CELF2: variants seen among roughly 807,000 people sequenced by gnomAD.
CELF2 encodes CUGBP Elav-like family member 2.
A neutral mutation model predicts 62.6 loss-of-function variants in CELF2; 8 were observed. The observed-to-expected ratio is 0.13, with a 90% CI of 0.07 to 0.23. The LOEUF (loss-of-function observed/expected upper bound fraction) is 0.23. Ranked by LOEUF, CELF2 falls within the 10% of genes least tolerant of loss-of-function variation. CELF2 has a pLI of 1.00. For synonymous variants in CELF2, 258 were observed against 250.0 expected, an observed-to-expected ratio of 1.03 and a Z score of -0.30; for missense variants, 333 against 671.0, an observed-to-expected ratio of 0.50 and a Z score of 5.56.
At chr10:11,115,073 C>T (rs1423145815) in intron 1 of CELF2, among the ~76,000 whole-genome samples, 1 of 152,066 alleles carries the variant, frequency 6.6e-6, no homozygotes, top group African/African-American at 2.4e-5. Context: ...TAAAATTGGC[C>T]CCACATAAAT....
At chr10:11,083,860 G>A (rs933938872) in intron 1 of CELF2, among the ~76,000 whole-genome samples, 7 of 152,138 alleles carry the variant, frequency 4.6e-5, no homozygotes, top group Admixed American at 2.0e-4. Flanking sequence ...GAAAGTGTAC[G>A]GAGAGGGCCT....
At chr10:10,691,168 C>T in the CELF2 span, among the ~76,000 whole-genome samples, 9 of 151,828 alleles carry the variant, frequency 5.9e-5, no homozygotes, top group Middle Eastern at 3.4e-3. Context: ...CCCCCCACCC[C>T]ACAACAGTCC....
chr10:10,943,456 A>G (rs1204816804), intron 2 of CELF2, among the ~76,000 whole-genome samples: 5 of 152,224 alleles, frequency 3.3e-5, no homozygotes, highest in Non-Finnish European at 7.3e-5. Context: ...GGATGGGCAG[A>G]TTAGGATAGG....
At chr10:11,190,556 T>C (rs933035911) in intron 2 of CELF2, among the ~76,000 whole-genome samples, 2 of 151,678 alleles carry the variant, frequency 1.3e-5, no homozygotes, top group Admixed American at 1.3e-4. Flanking sequence ...GTTCAAGAAA[T>C]GGCTGTTTAA....
the CELF2 span, among the ~76,000 whole-genome samples, chr10:10,773,090 A>G: frequency 9.8e-5 from 15 of 152,352 alleles, no homozygotes; most frequent in African/African-American, 3.4e-4. Context: ...TGCAGTGAAC[A>G]GCATCTGCCA....
intron 3 of CELF2, among the ~76,000 whole-genome samples, chr10:11,222,428 A>G (rs1364891648): frequency 1.3e-5 from 2 of 152,230 alleles, no homozygotes; most frequent in African/African-American, 4.8e-5. Context: ...GGGCCAAGTT[A>G]GAGTATTTTT....
chr10:11,318,132 G>T lies in CELF2; in HGVS notation c.1097-3057G>T, dbSNP rs1239964158. 1 of 152,522 alleles carries T rather than the reference G, an allele frequency of 6.6e-6. No homozygotes were observed. Among genetic ancestry groups the T allele is most frequent in the Non-Finnish European group, 1.5e-5 (1 of 68,378 alleles). 9.4% of individuals were successfully genotyped at this position (152,522 alleles called of 1,614,324 possible). On this transcript the variant is annotated intron_variant, in intron 10 of 12. Coordinates refer to ENST00000633077, the MANE Select transcript of CELF2 (RefSeq NM_001326342.2). The surrounding 1 kb of genome is among the most constrained non-coding windows in gnomAD (Gnocchi z 5.4). ...ATAGAATTAATCTAGAACAACATCA[G>T]GTGACTCACAGGAACTGTTCTCAGA...
chr10:10,570,409 C>A, the CELF2 span, among the ~76,000 whole-genome samples: 1 of 152,114 alleles, frequency 6.6e-6, no homozygotes, highest in Non-Finnish European at 1.5e-5. Context: ...AAGAAGCCAG[C>A]ATCTAAGTCA....
chr10:11,234,352 C>T (rs1240192312), intron 3 of CELF2, among the ~76,000 whole-genome samples: 1 of 152,082 alleles, frequency 6.6e-6, no homozygotes, highest in Non-Finnish European at 1.5e-5. Context: ...CTCTGAAGAA[C>T]AGCTTTTATT....
chr10:11,001,166 G>A (rs544383507), upstream of CELF2, among the ~76,000 whole-genome samples: 226 of 152,268 alleles, frequency 1.5e-3, no homozygotes, highest in Non-Finnish European at 2.5e-3. Flanking sequence ...AATTTTCTAT[G>A]TATTCTTTCC....
the CELF2 span, among the ~76,000 whole-genome samples, chr10:10,676,879 T>C: frequency 6.6e-6 from 1 of 152,230 alleles, no homozygotes; most frequent in Admixed American, 6.5e-5. Flanking sequence ...ACAGTACTTT[T>C]AGACTCTTAA....
At chr10:10,996,756 C>A (rs1006658163) in intron 2 of CELF2, among the ~76,000 whole-genome samples, 16 of 152,150 alleles carry the variant, frequency 1.1e-4, no homozygotes, top group African/African-American at 3.6e-4. Context: ...TGGTCCTCCT[C>A]CAGATCCCAT....
upstream of CELF2, among the ~76,000 whole-genome samples, chr10:10,793,645 G>A (rs543542730): frequency 6.6e-6 from 1 of 152,264 alleles, no homozygotes; most frequent in African/African-American, 2.4e-5. Flanking sequence ...AGACCGTATG[G>A]AATTCCCTAA....
the CELF2 span, among the ~76,000 whole-genome samples, chr10:10,616,953 C>T: frequency 1.3e-5 from 2 of 151,920 alleles, no homozygotes; most frequent in South Asian, 2.1e-4. Context: ...GACATAGTCT[C>T]GCTATGTTGC....
the CELF2 span, among the ~76,000 whole-genome samples, chr10:10,608,105 G>A: frequency 1.3e-5 from 2 of 151,510 alleles, no homozygotes; most frequent in Non-Finnish European, 2.9e-5. Flanking sequence ...TCCAGCCTGG[G>A]CAAATGAGAG....
chr10:11,015,572 G>C (rs2057139193), upstream of CELF2, among the ~76,000 whole-genome samples: 1 of 152,188 alleles, frequency 6.6e-6, no homozygotes, highest in Admixed American at 6.5e-5. The surrounding 1 kb of genome is among the most constrained non-coding windows in gnomAD (Gnocchi z 4.8). Flanking sequence ...TGTAGAGTGA[G>C]TTTTCTTTTA....
chr10:11,257,046 A>G (rs930384912), intron 4 of CELF2, among the ~76,000 whole-genome samples: 1 of 152,110 alleles, frequency 6.6e-6, no homozygotes, highest in Non-Finnish European at 1.5e-5. Context: ...CTTCCTGTTG[A>G]GCGGTAACTA....
Position 11,329,127 on chromosome 10 carries a change from A to G in CELF2, c.*74A>G. 1.3e-6 allele frequency: 2 copies of G among 1,482,362 alleles called. No homozygotes were observed. Among genetic ancestry groups the G allele is most frequent in the Non-Finnish European group, 9.1e-7 (1 of 1,100,250 alleles). The allele number at this position is 1,482,362 out of a possible 1,614,324, so 91.8% of individuals were successfully genotyped here. ...GTCCCACGAGCCAGCCTGTCTCAACAGGGAAGGCAGAGGAGGACCACATTG... is the reference window on the plus strand; with the variant it reads ...GTCCCACGAGCCAGCCTGTCTCAACGGGGAAGGCAGAGGAGGACCACATTG... On this transcript the variant is annotated 3_prime_UTR_variant, in exon 13 of 13. Coordinates refer to ENST00000633077, the MANE Select transcript of CELF2 (RefSeq NM_001326342.2). The surrounding 1 kb of genome is among the most constrained non-coding windows in gnomAD (Gnocchi z 5.5).
At chr10:11,109,840 CT>C (rs1454379882) in intron 1 of CELF2, among the ~76,000 whole-genome samples, 1 of 152,210 alleles carries the variant, frequency 6.6e-6, no homozygotes, top group African/African-American at 2.4e-5. Flanking sequence ...TCCCCGCCCC[CT>C]GACTTTGTAG....
Sources: allele counts gnomAD v4.1 joint callset (sites outside exome capture counted in the v4.1 genomes callset), GRCh38; gene constraint gnomAD v4.1.1; non-coding constraint Gnocchi (gnomAD v3.1); transcripts MANE v1.5; gene names NCBI Gene and HGNC (gene_info 2026-07-23, HGNC 2026-07-21).